The following KCNH7 variants were observed in gnomAD, a reference collection of about 807,000 sequenced individuals.
KCNH7 encodes voltage-gated inwardly rectifying potassium channel KCNH7.
Under a neutral mutation model 120.8 loss-of-function variants are expected in KCNH7, and 49 were observed. The ratio of observed to expected loss-of-function variants is 0.41; its 90% CI spans 0.32 to 0.51. The LOEUF is 0.51. Among genes scored for constraint, KCNH7 ranks in the 20% least tolerant of loss-of-function variants. The pLI is 0.38. For missense variants in KCNH7, 1,097 were observed against 1,446.6 expected (o/e 0.76, Z 3.92); for synonymous variants, 547 against 516.1 (o/e 1.06, Z -0.81).
At chr2:162,579,468 C>A (rs1329293903) in intron 2 of KCNH7, among the ~76,000 whole-genome samples, 1 of 152,008 alleles carries the variant, frequency 6.6e-6, no homozygotes, top group African/African-American at 2.4e-5. Flanking sequence ...TCGGCTATGT[C>A]AATATGAAAC....
intron 3 of KCNH7, among the ~76,000 whole-genome samples, chr2:162,521,984 C>G (rs148978511): frequency 4.6e-4 from 70 of 151,928 alleles, no homozygotes; most frequent in Middle Eastern, 3.4e-3. Flanking sequence ...TGACAATGTG[C>G]AGACAAACCA....
intron 2 of KCNH7, among the ~76,000 whole-genome samples, chr2:162,548,409 T>A (rs534851081): frequency 7.2e-5 from 11 of 152,282 alleles, no homozygotes; most frequent in African/African-American, 2.2e-4. Context: ...GAGGGAGAGA[T>A]GTTTCATTTC....
At chr2:162,399,695 C>T (rs187491502) in intron 10 of KCNH7, among the ~76,000 whole-genome samples, 2 of 151,950 alleles carry the variant, frequency 1.3e-5, no homozygotes, top group Non-Finnish European at 2.9e-5. Context: ...TATTAATTAC[C>T]TAGTTAAGGA....
At chr2:162,582,592 C>A (rs985214812) in intron 2 of KCNH7, among the ~76,000 whole-genome samples, 1 of 152,074 alleles carries the variant, frequency 6.6e-6, no homozygotes, top group Admixed American at 6.6e-5. Flanking sequence ...GGGGGCCTGG[C>A]TGAGTCATGC....
intron 6 of KCNH7, among the ~76,000 whole-genome samples, chr2:162,465,445 G>A (rs1043055217): frequency 6.6e-6 from 1 of 152,086 alleles, no homozygotes; most frequent in Non-Finnish European, 1.5e-5. Flanking sequence ...ATTTTTAAAA[G>A]TATTCATGTG....
intron 9 of KCNH7, among the ~76,000 whole-genome samples, chr2:162,402,247 C>G (rs1256904528): frequency 6.6e-6 from 1 of 150,922 alleles, no homozygotes; most frequent in Non-Finnish European, 1.5e-5. Context: ...CTTATATCAA[C>G]TCAGCTTTTC....
intron 4 of KCNH7, among the ~76,000 whole-genome samples, chr2:162,515,142 C>T (rs1691234141): frequency 6.6e-6 from 1 of 151,424 alleles, no homozygotes; most frequent in Admixed American, 6.6e-5. Context: ...TAGAAAATAC[C>T]CTCTGAATTT....
intron 9 of KCNH7, among the ~76,000 whole-genome samples, chr2:162,401,004 T>C (rs577342850): frequency 1.3e-5 from 2 of 152,024 alleles, no homozygotes; most frequent in South Asian, 2.1e-4. Flanking sequence ...TTATTAATAC[T>C]AAATATTTTG....
At chr2:162,462,903 A>T (rs964916760) in intron 6 of KCNH7, among the ~76,000 whole-genome samples, 1 of 152,074 alleles carries the variant, frequency 6.6e-6, no homozygotes, top group East Asian at 1.9e-4. Flanking sequence ...TTTAAAATAA[A>T]ATTAAACTTA....
intron 2 of KCNH7, among the ~76,000 whole-genome samples, 195 bp from the exon 3 acceptor site, chr2:162,537,275 AAAACGTTACAAAT>A (rs1692142084): frequency 6.6e-6 from 1 of 152,078 alleles, no homozygotes; most frequent in Admixed American, 6.6e-5. Flanking sequence ...TCTTTCCAGA[AAAACGTTACAAAT>A]AAATTCAGTT....
chr2:162,536,279 C>T (rs188957936), intron 3 of KCNH7, among the ~76,000 whole-genome samples: 4 of 151,938 alleles, frequency 2.6e-5, no homozygotes, highest in South Asian at 4.1e-4. Flanking sequence ...AAAAAACAAC[C>T]AATATGTATA....
intron 9 of KCNH7, among the ~76,000 whole-genome samples, chr2:162,412,006 G>A (rs1216321578): frequency 2.0e-5 from 3 of 151,752 alleles, no homozygotes; most frequent in Non-Finnish European, 4.4e-5. Context: ...TCAGAATGAG[G>A]TCAAATTGAA....
chr2:162,586,936 A>G (rs1032619588), intron 2 of KCNH7, among the ~76,000 whole-genome samples: 5 of 152,058 alleles, frequency 3.3e-5, no homozygotes, highest in African/African-American at 4.8e-5. Flanking sequence ...TCAAGACTCC[A>G]TGTCCAATTT....
intron 2 of KCNH7, among the ~76,000 whole-genome samples, chr2:162,650,028 A>G (rs1206314343): frequency 6.6e-6 from 1 of 152,184 alleles, no homozygotes; most frequent in East Asian, 1.9e-4. Context: ...GCACTTAAAT[A>G]AGCTACAGAG....
In KCNH7 at chr2:162,371,571, T is replaced by A. The variant is rs1299284241; in HGVS notation, c.*258A>T. 11 of 866,052 alleles carry A rather than the reference T, an allele frequency of 1.3e-5. No homozygotes were observed. Among genetic ancestry groups the A allele is most frequent in the African/African-American group, 1.7e-5 (1 of 58,826 alleles). The allele number at this position is 866,052 out of a possible 1,614,324, so 53.6% of individuals were successfully genotyped here. On this transcript the variant is annotated 3_prime_UTR_variant, in exon 16 of 16. Coordinates refer to ENST00000332142, the MANE Select transcript of KCNH7 (RefSeq NM_033272.4). ...TTGGAGTTTCCTAACATGCATGTGA[T>A]TTAAAAAATAAAAATAAAAAATAAG...
intron 2 of KCNH7, among the ~76,000 whole-genome samples, chr2:162,684,058 A>G: frequency 6.6e-6 from 1 of 152,104 alleles, no homozygotes; most frequent in Non-Finnish European, 1.5e-5. Context: ...ATCTACAACC[A>G]TCTGATCTTT....
chr2:162,611,596 G>A (rs1682964536), intron 2 of KCNH7, among the ~76,000 whole-genome samples: 1 of 152,202 alleles, frequency 6.6e-6, no homozygotes, highest in Non-Finnish European at 1.5e-5. Context: ...TAGGTGTTAA[G>A]TTACTGTTCT....
At chr2:162,734,411 T>C (rs1687829707) in intron 2 of KCNH7, among the ~76,000 whole-genome samples, 1 of 152,318 alleles carries the variant, frequency 6.6e-6, no homozygotes, top group African/African-American at 2.4e-5. Context: ...ATAGTGATCA[T>C]AGATGTTAAT....
rs1285552519 is a variant in KCNH7 at position 162,530,501 on chromosome 2, A to ATT, written c.463+6423_463+6424insAA. 1.5e-4 allele frequency among the ~76,000 whole-genome samples: 23 copies of ATT among 151,940 alleles called. No homozygotes were observed. The East Asian group carries it at 3.9e-3, about 26-fold the overall frequency. On this transcript the variant is annotated intron_variant, in intron 3 of 15. Transcript: ENST00000332142. ...ACACACACACACACACACAATTACAAACACTTTAGTGAGAGAGTAAGCATT... is the reference window on the plus strand; with the variant it reads ...ACACACACACACACACACAATTACAATTACACTTTAGTGAGAGAGTAAGCATT...
Sources: allele counts gnomAD v4.1 joint callset (sites outside exome capture counted in the v4.1 genomes callset), GRCh38; gene constraint gnomAD v4.1.1; transcripts MANE v1.5; gene names NCBI Gene and HGNC (gene_info 2026-07-23, HGNC 2026-07-21).